CCDC169: variants seen among roughly 807,000 people sequenced by gnomAD.
The protein encoded by CCDC169 is coiled-coil domain containing 169, also known as coiled-coil domain-containing protein 169.
Under a neutral mutation model 36.0 loss-of-function variants are expected in CCDC169, and 30 were observed. That is an observed-to-expected ratio of 0.83 (90% CI 0.62 to 1.13). The LOEUF is 1.13. Ranked by LOEUF, CCDC169 falls within the 50% of genes most tolerant of loss-of-function variation. CCDC169 has a pLI of 0.00. For synonymous variants in CCDC169, 85 were observed against 81.5 expected, an observed-to-expected ratio of 1.04 and a Z score of -0.23; for missense variants, 245 against 245.9, an observed-to-expected ratio of 1.00 and a Z score of 0.03.
At chr13:36,222,443 C>T (rs1308219692), downstream of CCDC169, 1 of 152,134 alleles carries the variant, frequency 6.6e-6, no homozygotes, top group Non-Finnish European at 1.5e-5. Context: ...ACATGTAAGC[C>T]TAGAGCAAAA....
chr13:36,267,204 T>A (rs1055808555), intron 4 of CCDC169: 1 of 152,172 alleles, frequency 6.6e-6, no homozygotes, highest in Non-Finnish European at 1.5e-5. Context: ...AAAATTAGAA[T>A]GATACAGAGA....
chr13:36,228,683 C>T (rs1347633941), downstream of CCDC169, among the ~76,000 whole-genome samples: 11 of 152,022 alleles, frequency 7.2e-5, no homozygotes, highest in Admixed American at 2.6e-4. Context: ...CTTCTGAGTA[C>T]TAGGCTACAG....
intron 4 of CCDC169, among the ~76,000 whole-genome samples, chr13:36,272,554 T>G (rs1876243447): frequency 6.6e-6 from 1 of 152,152 alleles, no homozygotes; most frequent in African/African-American, 2.4e-5. Context: ...TTTTCTCTCA[T>G]TTTTTCTTCC....
intron 4 of CCDC169, among the ~76,000 whole-genome samples, chr13:36,276,578 A>C (rs1171523928): frequency 6.6e-6 from 1 of 152,180 alleles, no homozygotes; most frequent in Non-Finnish European, 1.5e-5. Flanking sequence ...TGACTGACTA[A>C]GCATATGCAC....
At chr13:36,241,587 T>C (rs9546842) in intron 7 of CCDC169, among the ~76,000 whole-genome samples, 61,613 of 152,038 alleles carry the variant, frequency 0.41, 13,266 homozygotes, top group Non-Finnish European at 0.48. Context: ...TTATTGCTGT[T>C]ATTTTCATAT....
chr13:36,270,089 A>C (rs1453930206), intron 4 of CCDC169, among the ~76,000 whole-genome samples: 3 of 152,224 alleles, frequency 2.0e-5, no homozygotes, highest in Non-Finnish European at 4.4e-5. Context: ...CAGGTTACAA[A>C]ATCAATGTAC....
At chr13:36,227,052 A>G, downstream of CCDC169, 1 of 442,160 alleles carries the variant, frequency 2.3e-6, no homozygotes, top group East Asian at 3.4e-5. Context: ...GAGAGTTGGA[A>G]GAAGTTTCAT....
At position 36,254,210 on chromosome 13, in the gene CCDC169, AT is replaced by A. The variant is rs1873535661; in HGVS notation, c.316-68del. 9.0e-6 allele frequency: 10 copies of A among 1,105,790 alleles called. No homozygotes were observed. The South Asian group carries it at 1.7e-4, about 19-fold the overall frequency. 68.5% of individuals were successfully genotyped at this position (1,105,790 alleles called of 1,614,324 possible). A position where few individuals can be genotyped will look rare whatever the true frequency, so the allele number is the denominator to read the frequency against. ...TAAACAAAATAAGAAATGACCATCAATTTCTTCACTAGTAAATGCCTTGTAT... is the reference window on the plus strand; with the variant it reads ...TAAACAAAATAAGAAATGACCATCAATTCTTCACTAGTAAATGCCTTGTAT... On this transcript the variant is annotated intron_variant, in intron 4 of 7. Coordinates refer to ENST00000239859, the MANE Select transcript of CCDC169 (RefSeq NM_001144981.3).
chr13:36,231,471 T>C (rs1870419792), intron 7 of CCDC169, among the ~76,000 whole-genome samples, 179 bp from the exon 8 acceptor site: 1 of 152,294 alleles, frequency 6.6e-6, no homozygotes, highest in South Asian at 2.1e-4. Flanking sequence ...CCTTCTGTTA[T>C]AGCACATCAT....
intron 7 of CCDC169, among the ~76,000 whole-genome samples, chr13:36,238,560 A>G (rs1003351745): frequency 2.6e-5 from 4 of 152,222 alleles, no homozygotes; most frequent in Non-Finnish European, 1.5e-5. Flanking sequence ...CTGGTGAAAT[A>G]TGGAATTAAC....
At chr13:36,229,544 T>TC (rs1428623244), downstream of CCDC169, among the ~76,000 whole-genome samples, 6 of 147,558 alleles carry the variant, frequency 4.1e-5, no homozygotes, top group African/African-American at 1.5e-4. Flanking sequence ...AATAATGTTT[T>TC]TTTTTTTTTT....
intron 4 of CCDC169, among the ~76,000 whole-genome samples, chr13:36,257,229 C>T (rs1170711093): frequency 1.3e-5 from 2 of 152,204 alleles, no homozygotes; most frequent in Non-Finnish European, 2.9e-5. Context: ...CAGCCCCTAG[C>T]TCAGGCCATT....
chr13:36,283,898 A>C (rs373013864), intron 2 of CCDC169, among the ~76,000 whole-genome samples, 196 bp from the exon 3 acceptor site: 2 of 152,100 alleles, frequency 1.3e-5, no homozygotes, highest in East Asian at 3.9e-4. Context: ...TTAGACTCAC[A>C]CTCAGGCTAC....
intron 4 of CCDC169, among the ~76,000 whole-genome samples, chr13:36,258,081 A>T (rs1874142029): frequency 8.0e-6 from 1 of 124,320 alleles, no homozygotes; most frequent in Non-Finnish European, 1.9e-5. Flanking sequence ...CCTCTGCAGA[A>T]TTTGACCCTA....
intron 1 of CCDC169, among the ~76,000 whole-genome samples, chr13:36,296,480 C>T (rs1207520624): frequency 6.6e-6 from 1 of 152,074 alleles, no homozygotes; most frequent in East Asian, 1.9e-4. Context: ...AGGCACTGCA[C>T]ATTATTACAG....
intron 1 of CCDC169, among the ~76,000 whole-genome samples, chr13:36,296,923 G>A (rs1879571399): frequency 6.6e-6 from 1 of 152,184 alleles, no homozygotes; most frequent in Non-Finnish European, 1.5e-5. Flanking sequence ...TTGTGTTTTT[G>A]CAGGACTGTC....
intron 4 of CCDC169, chr13:36,267,229 C>G (rs1487001683): frequency 6.6e-6 from 1 of 152,134 alleles, no homozygotes; most frequent in East Asian, 1.9e-4. Flanking sequence ...TAGCATAGTC[C>G]CTGTGCAAGA....
intron 2 of CCDC169, among the ~76,000 whole-genome samples, chr13:36,285,715 A>C (rs572085595): frequency 1.6e-4 from 25 of 152,150 alleles, no homozygotes; most frequent in Non-Finnish European, 3.4e-4. Context: ...TGCCACTTAC[A>C]GAGTCCAATT....
At chr13:36,242,209 T>G (rs1871917471) in intron 7 of CCDC169, among the ~76,000 whole-genome samples, 2 of 152,230 alleles carry the variant, frequency 1.3e-5, no homozygotes, top group African/African-American at 4.8e-5. Flanking sequence ...GTTATATAAA[T>G]GTATACTCCT....
Sources: allele counts gnomAD v4.1 joint callset (sites outside exome capture counted in the v4.1 genomes callset), GRCh38; gene constraint gnomAD v4.1.1; transcripts MANE v1.5; gene names NCBI Gene and HGNC (gene_info 2026-07-23, HGNC 2026-07-21).